Variants in ANGPTL4 observed in about 807,000 individuals in gnomAD.
The protein encoded by ANGPTL4 is angiopoietin like 4.
Under a neutral mutation model 39.2 loss-of-function variants are expected in ANGPTL4, and 39 were observed. That is an observed-to-expected ratio of 1.00 (90% CI 0.77 to 1.30). The LOEUF (loss-of-function observed/expected upper bound fraction) is 1.30. Among genes scored for constraint, ANGPTL4 ranks in the 50% most tolerant of loss-of-function variants. The pLI is 0.00. For synonymous variants in ANGPTL4, 233 were observed against 229.5 expected, an observed-to-expected ratio of 1.02 and a Z score of -0.14; for missense variants, 545 against 549.8, an observed-to-expected ratio of 0.99 and a Z score of 0.09.
intron 3 of ANGPTL4, among the ~76,000 whole-genome samples, chr19:8,366,718 T>G (rs1434791464): frequency 6.6e-6 from 1 of 151,866 alleles, no homozygotes; most frequent in Non-Finnish European, 1.5e-5. Context: ...GTAGTAGTGT[T>G]TGTAGATTTG....
At chr19:8,366,775 C>T (rs1418845177) in intron 3 of ANGPTL4, among the ~76,000 whole-genome samples, 3 of 151,800 alleles carry the variant, frequency 2.0e-5, no homozygotes, top group Non-Finnish European at 4.4e-5. Flanking sequence ...GGCTGGGAAC[C>T]CCCAGCTCCC....
chr19:8,370,951 C>T (rs1971102944), intron 4 of ANGPTL4, 105 bp from the exon 5 acceptor site: 3 of 1,246,108 alleles, frequency 2.4e-6, no homozygotes, highest in Non-Finnish European at 3.4e-6. Context: ...GAGGGAGCTG[C>T]TGTCTTCCTG....
intron 6 of ANGPTL4, among the ~76,000 whole-genome samples, chr19:8,372,324 G>T (rs937688205): frequency 2.0e-5 from 3 of 151,328 alleles, no homozygotes; most frequent in African/African-American, 7.3e-5. Context: ...CTCCCAAAGT[G>T]TTGGGATTAC....
rs1304577920 is a variant in ANGPTL4 at position 8,371,460 on chromosome 19, T to C, written c.977T>C (p.Phe326Ser). Residue 326 changes from phenylalanine (F) to serine (S), a missense_variant, in exon 6 of 7, where the codon TTC (phenylalanine) becomes TCC (serine). Phe to Ser is a radical substitution (Grantham distance 155). Coordinates refer to ENST00000301455, the MANE Select transcript of ANGPTL4 (RefSeq NM_139314.3). This position sits in a 1 kb window ranked among gnomAD's most constrained non-coding sequence, Gnocchi z 5.1. ...CCACCCAGCGGCCTCTCCGTACCCT[T>C]CTCCACTTGGGACCAGGATCACGAC... ...TVPPSGLSVP[F>S]STWDQDHDLR... is the part of the protein sequence containing the mutation. The C allele has an allele frequency of 6.2e-7, 1 of 1,613,256 alleles. No homozygotes were observed. The highest frequency in any genetic ancestry group is 1.6e-4 in the Middle Eastern group (1 of 6,062).
At position 8,373,748 on chromosome 19, in the gene ANGPTL4, C is replaced by G; in HGVS notation, c.1083C>G (p.Gly361=). 6.2e-7 allele frequency: 1 copy of G among 1,614,016 alleles called. No homozygotes were observed. The highest frequency in any genetic ancestry group is 8.5e-7 in the Non-Finnish European group (1 of 1,180,034). Residue 361 remains glycine (G), a synonymous_variant, in exon 7 of 7, where the codon GGC becomes GGG. Transcript: ENST00000301455. ...FGTCSHSNLN[G]QYFRSIPQQR... Reference sequence around the variant, plus strand: ...CCTGCAGCCATTCCAACCTCAACGGCCAGTACTTCCGCTCCATCCCACAGC... The same window carrying G: ...CCTGCAGCCATTCCAACCTCAACGGGCAGTACTTCCGCTCCATCCCACAGC...
chr19:8,368,182 C>G (rs909751030), intron 3 of ANGPTL4, among the ~76,000 whole-genome samples: 2 of 152,108 alleles, frequency 1.3e-5, no homozygotes, highest in Non-Finnish European at 2.9e-5. Flanking sequence ...TCACACCCAG[C>G]TAATCTTTGT....
chr19:8,364,651 C>T lies in ANGPTL4; in HGVS notation c.318+12C>T. ...TTCACAGCCTGCAGGTACGTGTCCC[C>T]AGGGCTGGTTCTCCGCGCCCCTAGT... is the stretch of plus-strand genomic sequence containing the variant. On this transcript the variant is annotated intron_variant, in intron 1 of 6. Transcript: ENST00000301455. 6.3e-7 allele frequency: 1 copy of T among 1,580,336 alleles called. No homozygotes were observed. Among genetic ancestry groups the T allele is most frequent in the East Asian group, 2.3e-5 (1 of 42,974 alleles).
rs1038147222 is a variant in ANGPTL4 at position 8,369,201 on chromosome 19, C to T, written c.548-18C>T. ...GGGCTGCCCTCCTGTTTCAAGTCTC[C>T]ACTTTATCTCCCTTCAGGGCTGCCC... On this transcript the variant is annotated intron_variant, in intron 3 of 6. Coordinates refer to ENST00000301455, the MANE Select transcript of ANGPTL4 (RefSeq NM_139314.3). 1.2e-6 allele frequency: 2 copies of T among 1,601,396 alleles called. No individual in the cohort carries two copies. The highest frequency in any genetic ancestry group is 1.7e-5 in the Admixed American group (1 of 58,008).
At chr19:8,364,855 T>G (rs1051658160) in intron 1 of ANGPTL4, among the ~76,000 whole-genome samples, 7 of 137,636 alleles carry the variant, frequency 5.1e-5, no homozygotes, top group African/African-American at 1.0e-4. Flanking sequence ...GAGACCCCCG[T>G]CTCTTCTACA....
At chr19:8,365,243 C>T (rs548854697) in intron 1 of ANGPTL4, among the ~76,000 whole-genome samples, 1 of 151,778 alleles carries the variant, frequency 6.6e-6, no homozygotes, top group Non-Finnish European at 1.5e-5. Context: ...TTTGGGAGGG[C>T]GAGGCCAGTG....
At chr19:8,370,971 G>A (rs1971103226) in intron 4 of ANGPTL4, 85 bp from the exon 5 acceptor site, 1 of 1,443,414 alleles carries the variant, frequency 6.9e-7, no homozygotes, top group South Asian at 1.2e-5. Context: ...GGGTTTGGAG[G>A]GGGTTTGGTG....
rs1042974166 is a variant in ANGPTL4 at position 8,365,122 on chromosome 19, T to A, written c.318+483T>A. ...AGGCAGAGGTTGCAGTGAGCCGAGA[T>A]CGCAGCACTGCACTCCAGCCTGGGC... On this transcript the variant is annotated intron_variant, in intron 1 of 6. Coordinates refer to ENST00000301455, the MANE Select transcript of ANGPTL4 (RefSeq NM_139314.3). 1.0e-3 allele frequency among the ~76,000 whole-genome samples: 155 copies of A among 149,970 alleles called. No homozygotes were observed. The Middle Eastern group carries it at 0.017, about 17-fold the overall frequency.
chr19:8,367,541 G>A (rs1156905269), intron 3 of ANGPTL4, among the ~76,000 whole-genome samples: 1 of 150,486 alleles, frequency 6.6e-6, no homozygotes, highest in Non-Finnish European at 1.5e-5. Context: ...GCGTCTTCCT[G>A]GTCACTCTGG....
intron 4 of ANGPTL4, 34 bp downstream of exon 4, chr19:8,369,366 C>T: frequency 6.8e-7 from 1 of 1,471,188 alleles, no homozygotes. Flanking sequence ...GGCCCCTCTC[C>T]CCATAGGCCC....
At position 8,374,220 on chromosome 19, in the gene ANGPTL4, A is replaced by G. The variant is rs747193466; in HGVS notation, c.*334A>G. 3 of 357,368 alleles carry G rather than the reference A, an allele frequency of 8.4e-6. No homozygotes were observed. In the Admixed American group the frequency reaches 1.2e-4, roughly 15 times the overall value. 22.1% of individuals were successfully genotyped at this position (357,368 alleles called of 1,614,324 possible). A position where few individuals can be genotyped will look rare whatever the true frequency, so the allele number is the denominator to read the frequency against. Reference sequence around the variant, plus strand: ...TGGCCTCAATGGCGGACTCAGTCACATTGACTGACGGGGACCAGGGCTTGT... The same window carrying G: ...TGGCCTCAATGGCGGACTCAGTCACGTTGACTGACGGGGACCAGGGCTTGT... On this transcript the variant is annotated 3_prime_UTR_variant, in exon 7 of 7. Transcript: ENST00000301455.
chr19:8,371,673 C>T lies in ANGPTL4; in HGVS notation c.1039+151C>T, dbSNP rs543868361. On this transcript the variant is annotated intron_variant, in intron 6 of 6. Coordinates refer to ENST00000301455, the MANE Select transcript of ANGPTL4 (RefSeq NM_139314.3). This position sits in a 1 kb window ranked among gnomAD's most constrained non-coding sequence, Gnocchi z 5.1. ...TGTGTGATTGGGCCACTAACTTAGC[C>T]TATCTGGCCTCAGTTTTCCCATCCT... 251 of 1,133,996 alleles carry T rather than the reference C, an allele frequency of 2.2e-4. No individual in the cohort carries two copies. Among genetic ancestry groups the T allele is most frequent in the Non-Finnish European group, 2.9e-4 (234 of 801,400 alleles). 70.2% of individuals were successfully genotyped at this position (1,133,996 alleles called of 1,614,324 possible).
Position 8,369,267 on chromosome 19 carries a change from G to A in ANGPTL4, c.596G>A (p.Ser199Asn). ...QELFQVGERQSGLFEIQPQGS... is the reference protein window; with the variant it reads ...QELFQVGERQNGLFEIQPQGS... ...CTGTTCCAGGTTGGGGAGAGGCAGAGTGGACTATTTGAAATCCAGCCTCAG... is the reference window on the plus strand; with the variant it reads ...CTGTTCCAGGTTGGGGAGAGGCAGAATGGACTATTTGAAATCCAGCCTCAG... The change falls in exon 4 of 7, where the codon AGT (serine) becomes AAT (asparagine). Residue 199 changes from serine (S) to asparagine (N), a missense_variant. Coordinates refer to ENST00000301455, the MANE Select transcript of ANGPTL4 (RefSeq NM_139314.3). 1.2e-6 allele frequency: 2 copies of A among 1,612,340 alleles called. No homozygotes were observed. The highest frequency in any genetic ancestry group is 8.5e-7 in the Non-Finnish European group (1 of 1,179,852).
chr19:8,364,549 C>T lies in ANGPTL4; in HGVS notation c.228C>T (p.Cys76=). The T allele has an allele frequency of 6.3e-7, 1 of 1,575,982 alleles. No individual in the cohort carries two copies. Among genetic ancestry groups the T allele is most frequent in the Non-Finnish European group, 8.6e-7 (1 of 1,162,246 alleles). Reference sequence around the variant, plus strand: ...CGCTGGAGCGGCGCCTGAGCGCGTGCGGGTCCGCCTGTCAGGGAACCGAGG... The same window carrying T: ...CGCTGGAGCGGCGCCTGAGCGCGTGTGGGTCCGCCTGTCAGGGAACCGAGG... ...LSALERRLSA[C]GSACQGTEGS... is the part of the protein sequence containing the mutation. Residue 76 remains cysteine, a synonymous_variant, in exon 1 of 7, where the codon TGC becomes TGT. Transcript: ENST00000301455.
At position 8,364,403 on chromosome 19, in the gene ANGPTL4, G is replaced by C. The variant is rs1309741165; in HGVS notation, c.82G>C (p.Val28Leu). 6.5e-7 allele frequency: 1 copy of C among 1,547,148 alleles called. No homozygotes were observed. The highest frequency in any genetic ancestry group is 1.2e-5 in the South Asian group (1 of 84,390). Residue 28 changes from valine (V) to leucine (L), a missense_variant, in exon 1 of 7, where the codon GTG becomes CTG. By Grantham distance (32) the Val-to-Leu change is conservative (BLOSUM62 1). Coordinates refer to ENST00000301455, the MANE Select transcript of ANGPTL4 (RefSeq NM_139314.3). The stretch of plus-strand genomic sequence containing the variant: ...GCTACTGAGCGCTCAGGGCGGACCC[G>C]TGCAGTCCAAGTCGCCGCGCTTTGC... ...AVLLSAQGGP[V>L]QSKSPRFASW... is the part of the protein sequence containing the mutation.
Sources: gnomAD v4.1 joint callset for allele counts (sites outside exome capture counted in the v4.1 genomes callset) on GRCh38, gnomAD v4.1.1 for gene constraint, Gnocchi (gnomAD v3.1) non-coding constraint, MANE v1.5 for transcripts, NCBI Gene and HGNC (gene_info 2026-07-23, HGNC 2026-07-21) for gene names.